Variants in VPS13A observed in about 807,000 individuals in gnomAD.
The protein encoded by VPS13A is vacuolar protein sorting 13 homolog A, also known as intermembrane lipid transfer protein VPS13A.
In VPS13A, 264 loss-of-function variants were observed where a neutral mutation model predicts 390.9. The ratio of observed to expected loss-of-function variants is 0.68; its 90% confidence interval spans 0.61 to 0.75. The LOEUF (loss-of-function observed/expected upper bound fraction) is 0.75, where lower values mean the gene tolerates loss of function less well. VPS13A is among the 30% of genes least tolerant of loss of function. The pLI is 0.00. For missense variants in VPS13A, 3,409 were observed against 3,733.9 expected, an observed-to-expected ratio of 0.91 and a Z score of 2.27; for synonymous variants, 1,231 against 1,227.1, an observed-to-expected ratio of 1.00 and a Z score of -0.07.
At chr9:77,365,318 T>A in intron 59 of VPS13A, 142 bp from the exon 60 acceptor site, 1 of 639,716 alleles carries the variant, frequency 1.6e-6, no homozygotes, top group Middle Eastern at 4.1e-4. Context: ...TAGATAGAGA[T>A]GTTACTTTCC....
At chr9:77,294,272 G>A (rs1314027394) in intron 32 of VPS13A, among the ~76,000 whole-genome samples, 1 of 152,182 alleles carries the variant, frequency 6.6e-6, no homozygotes, top group African/African-American at 2.4e-5. Flanking sequence ...ACTTTAAGGA[G>A]TTAGATTTAA....
intron 34 of VPS13A, among the ~76,000 whole-genome samples, chr9:77,304,052 A>G (rs985100292): frequency 6.6e-6 from 1 of 152,150 alleles, no homozygotes; most frequent in Non-Finnish European, 1.5e-5. Context: ...CCACGAGGCC[A>G]TATTTCAGAC....
intron 58 of VPS13A, 120 bp downstream of exon 58, chr9:77,359,522 A>G: frequency 1.0e-6 from 1 of 974,540 alleles, no homozygotes; most frequent in Non-Finnish European, 1.5e-6. Context: ...TTAATTATAA[A>G]CGTCAAATAA....
intron 13 of VPS13A, among the ~76,000 whole-genome samples, chr9:77,221,914 T>A (rs1441616834): frequency 1.3e-5 from 2 of 152,142 alleles, no homozygotes; most frequent in Non-Finnish European, 2.9e-5. Flanking sequence ...CAGAGCCCTT[T>A]TTCTCTTAAT....
intron 7 of VPS13A, among the ~76,000 whole-genome samples, chr9:77,211,864 C>G (rs1825991149): frequency 6.6e-6 from 1 of 152,186 alleles, no homozygotes; most frequent in African/African-American, 2.4e-5. Flanking sequence ...GGCCACAGAA[C>G]AGGAGGTAAG....
In VPS13A at chr9:77,405,995, G is replaced by A; in HGVS notation, c.9399+8G>A. 6.2e-7 allele frequency: 1 copy of A among 1,613,236 alleles called. No homozygotes were observed. Among genetic ancestry groups the A allele is most frequent in the Non-Finnish European group, 8.5e-7 (1 of 1,179,892 alleles). On this transcript the variant is annotated splice_region_variant and intron_variant, in intron 70 of 71. Transcript: ENST00000360280. The stretch of plus-strand genomic sequence containing the variant: ...TTGCGCATTGAAGCAAAGGTATGTT[G>A]AATAGATTTATTTTTTGAAAACTTG...
In VPS13A at chr9:77,276,103, A is replaced by G. The variant is rs775757538; in HGVS notation, c.2706A>G (p.Glu902=). The G allele has an allele frequency of 2.5e-6, 4 of 1,613,112 alleles. No individual in the cohort carries two copies. Among genetic ancestry groups the G allele is most frequent in the Non-Finnish European group, 3.4e-6 (4 of 1,179,782 alleles). The change falls in exon 26 of 72, where the codon GAA becomes GAG. Residue 902 remains glutamate, a synonymous_variant. Coordinates refer to ENST00000360280, the MANE Select transcript of VPS13A (RefSeq NM_033305.3). ...TTTATCACCTTGTTGGAGATTGTGA[A>G]CTATCTGTGGTAGAAATTCTTGTTT... The part of the protein sequence containing the change: ...IEFYHLVGDC[E]LSVVEILVLG...
At chr9:77,216,301 A>G (rs1564637167) in intron 10 of VPS13A, among the ~76,000 whole-genome samples, 1 of 152,204 alleles carries the variant, frequency 6.6e-6, no homozygotes, top group Non-Finnish European at 1.5e-5. Flanking sequence ...GATAACTGGC[A>G]TACCTGTTGG....
At chr9:77,373,246 C>G (rs1049058561) in intron 67 of VPS13A, among the ~76,000 whole-genome samples, 19 of 149,152 alleles carry the variant, frequency 1.3e-4, no homozygotes, top group African/African-American at 4.4e-4. Context: ...TACTACAAGG[C>G]TACAGTAACC....
intron 59 of VPS13A, among the ~76,000 whole-genome samples, chr9:77,364,226 G>T (rs76282300): frequency 0.019 from 2,829 of 152,132 alleles, 57 homozygotes; most frequent in African/African-American, 0.05. Context: ...AGGAGTTCGA[G>T]ACCACCCTGG....
rs146177866 is a variant in VPS13A at position 77,186,557 on chromosome 9, C to G, written c.100+8753C>G. On this transcript the variant is annotated intron_variant, in intron 1 of 71. Coordinates refer to ENST00000360280, the MANE Select transcript of VPS13A (RefSeq NM_033305.3). ...GGTTCAAGCGATTCTCCTGCCTCAGCCTCCTAAGTAGCTGGGACTACAGAT... is the reference window on the plus strand; with the variant it reads ...GGTTCAAGCGATTCTCCTGCCTCAGGCTCCTAAGTAGCTGGGACTACAGAT... Among the ~76,000 whole-genome samples, 890 of 152,236 alleles carry G rather than the reference C, an allele frequency of 5.8e-3. 8 individuals carry two copies. The highest frequency in any genetic ancestry group is 0.02 in the African/African-American group (838 of 41,554).
intron 17 of VPS13A, among the ~76,000 whole-genome samples, chr9:77,228,504 CAAAA>C (rs1823647927): frequency 6.6e-6 from 1 of 151,900 alleles, no homozygotes; most frequent in Non-Finnish European, 1.5e-5. Context: ...CTACACTACA[CAAAA>C]AGAAACAGCA....
chr9:77,348,616 A>C (rs1223513210), intron 52 of VPS13A, among the ~76,000 whole-genome samples: 1 of 151,986 alleles, frequency 6.6e-6, no homozygotes, highest in Admixed American at 6.5e-5. Flanking sequence ...CTGGAACTTA[A>C]ATTTAGGAAA....
At chr9:77,326,020 C>G (rs1482331688) in intron 45 of VPS13A, among the ~76,000 whole-genome samples, 1 of 152,060 alleles carries the variant, frequency 6.6e-6, no homozygotes, top group Non-Finnish European at 1.5e-5. Context: ...GATATTTTCA[C>G]TGGGCATAGA....
At chr9:77,271,824 T>C (rs982042490) in intron 23 of VPS13A, among the ~76,000 whole-genome samples, 1 of 152,116 alleles carries the variant, frequency 6.6e-6, no homozygotes, top group African/African-American at 2.4e-5. Context: ...CACTAATAAA[T>C]GTAAGATACA....
chr9:77,416,143 CA>C lies in VPS13A; in HGVS notation c.*144del. The stretch of plus-strand genomic sequence containing the variant: ...CTGGATGCTAAAAAACAAAAACAAA[CA>C]AAAAAACAAAAACAAAAAAACAAAA... On this transcript the variant is annotated 3_prime_UTR_variant, in exon 72 of 72. Coordinates refer to ENST00000360280, the MANE Select transcript of VPS13A (RefSeq NM_033305.3). 1.9e-6 allele frequency: 2 copies of C among 1,035,506 alleles called. No homozygotes were observed. The highest frequency in any genetic ancestry group is 2.9e-6 in the Non-Finnish European group (2 of 695,698). 64.1% of individuals were successfully genotyped at this position (1,035,506 alleles called of 1,614,324 possible). A position where few individuals can be genotyped will look rare whatever the true frequency, so the allele number is the denominator to read the frequency against.
chr9:77,413,796 T>G (rs369721897), intron 71 of VPS13A, among the ~76,000 whole-genome samples: 31 of 152,280 alleles, frequency 2.0e-4, no homozygotes, highest in East Asian at 5.8e-4. Context: ...TACCATCAGA[T>G]TGAACAGGCA....
intron 54 of VPS13A, among the ~76,000 whole-genome samples, chr9:77,355,637 T>A (rs1422180349): frequency 1.3e-5 from 2 of 152,212 alleles, no homozygotes; most frequent in Non-Finnish European, 2.9e-5. Context: ...ACTTCATATG[T>A]GTACACTAAA....
chr9:77,360,499 A>G (rs760159224), intron 58 of VPS13A, 37 bp from the exon 59 acceptor site: 1 of 1,465,172 alleles, frequency 6.8e-7, no homozygotes, highest in South Asian at 1.1e-5. Flanking sequence ...TTGTTAATTG[A>G]TGATTTTTAA....
Sources: allele counts gnomAD v4.1 joint callset (sites outside exome capture counted in the v4.1 genomes callset), GRCh38; gene constraint gnomAD v4.1.1; transcripts MANE v1.5; gene names NCBI Gene and HGNC (gene_info 2026-07-23, HGNC 2026-07-21).